Variants in ATL1 observed in about 807,000 individuals in gnomAD.
ATL1 encodes atlastin-1.
ATL1 carries 31 observed loss-of-function variants against 75.5 expected under a neutral mutation model. The observed-to-expected ratio is 0.41, with a 90% confidence interval of 0.31 to 0.55. ATL1 has a LOEUF of 0.55. Among genes scored for constraint, ATL1 ranks in the 20% least tolerant of loss-of-function variants. The pLI is 0.27. For missense variants in ATL1, 405 were observed against 662.6 expected (o/e 0.61, Z 4.27); for synonymous variants, 226 against 233.3 (o/e 0.97, Z 0.28).
chr14:50,613,936 A>G (rs1001758418), intron 7 of ATL1, among the ~76,000 whole-genome samples: 1 of 152,202 alleles, frequency 6.6e-6, no homozygotes, highest in Non-Finnish European at 1.5e-5. Context: ...ACACCCAACT[A>G]TTCAGATTCC....
intron 1 of ATL1, among the ~76,000 whole-genome samples, chr14:50,547,717 T>C (rs1422386689): frequency 6.6e-6 from 1 of 152,214 alleles, no homozygotes; most frequent in Non-Finnish European, 1.5e-5. Context: ...TTGTATCTGC[T>C]GCCGTACCCA....
At chr14:50,629,583 CA>C (rs1179543983) in intron 12 of ATL1, among the ~76,000 whole-genome samples, 878 of 112,880 alleles carry the variant, frequency 7.8e-3, no homozygotes, top group Non-Finnish European at 0.011. Flanking sequence ...CTCCATCTCC[CA>C]AAAAAAAAAA....
Position 50,622,642 on chromosome 14 carries a change from G to A in ATL1, c.1048-535G>A, listed in dbSNP as rs2039478684. Among the ~76,000 whole-genome samples, 3 of 151,614 alleles carry A rather than the reference G, an allele frequency of 2.0e-5. No homozygotes were observed. In the South Asian group the frequency reaches 6.2e-4, roughly 32 times the overall value. On this transcript the variant is annotated intron_variant, in intron 10 of 13. Transcript: ENST00000358385. ...GATCGCGCCACTGCACTCCAGCCTGGGCAACAGAGCAAGACTCAGTCTCAA... is the reference window on the plus strand; with the variant it reads ...GATCGCGCCACTGCACTCCAGCCTGAGCAACAGAGCAAGACTCAGTCTCAA...
At position 50,547,862 on chromosome 14, in the gene ATL1, C is replaced by T. The variant is rs142020523; in HGVS notation, c.-139-12265C>T. Among the ~76,000 whole-genome samples the T allele has an allele frequency of 2.3e-3, 352 of 152,246 alleles. 2 individuals are homozygous for T. The highest frequency in any genetic ancestry group is 8.0e-3 in the African/African-American group (334 of 41,552). On this transcript the variant is annotated intron_variant, in intron 1 of 13. Transcript: ENST00000441560. ...CCAGTTTGCCTTCACTTGGGAGGGC[C>T]AATAATGGACTTTCCAGGTACTACC...
intron 2 of ATL1, among the ~76,000 whole-genome samples, chr14:50,588,388 T>C (rs2039122731): frequency 6.6e-6 from 1 of 152,252 alleles, no homozygotes; most frequent in African/African-American, 2.4e-5. Flanking sequence ...TGTCACATAA[T>C]TTTTGTATTG....
At chr14:50,550,354 C>T (rs1340581053) in intron 1 of ATL1, among the ~76,000 whole-genome samples, 2 of 152,142 alleles carry the variant, frequency 1.3e-5, no homozygotes, top group African/African-American at 4.8e-5. Flanking sequence ...CATGAGGGTC[C>T]CTACTGAACA....
intron 1 of ATL1, among the ~76,000 whole-genome samples, chr14:50,541,878 G>A (rs1474696175): frequency 6.6e-6 from 1 of 151,466 alleles, no homozygotes; most frequent in Non-Finnish European, 1.5e-5. Flanking sequence ...GCGGTGGCGA[G>A]TGCCTGTAGT....
In ATL1 at chr14:50,628,387, A is replaced by G. The variant is rs766655944; in HGVS notation, c.1476A>G (p.Ala492=). Residue 492 remains alanine (A), a synonymous_variant, in exon 12 of 14, where the codon GCA becomes GCG. Coordinates refer to ENST00000358385, the MANE Select transcript of ATL1 (RefSeq NM_015915.5). ...CCCTTATCACCCTGTGCACTTGGGC[A>G]TATATCCGGTACTCTGGAGAATACC... is the stretch of plus-strand genomic sequence containing the variant. ...GLTLITLCTW[A]YIRYSGEYRE... 1 of 1,614,208 alleles carries G rather than the reference A, an allele frequency of 6.2e-7. No homozygotes were observed. Among genetic ancestry groups the G allele is most frequent in the Non-Finnish European group, 8.5e-7 (1 of 1,180,036 alleles).
At chr14:50,582,774 A>G (rs761041544) in intron 1 of ATL1, among the ~76,000 whole-genome samples, 30 of 152,178 alleles carry the variant, frequency 2.0e-4, no homozygotes, top group Non-Finnish European at 3.8e-4. Flanking sequence ...AAAACCACCC[A>G]AGGACAAAAT....
intron 5 of ATL1, 42 bp downstream of exon 5, chr14:50,593,938 T>C (rs1258980644): frequency 7.2e-7 from 1 of 1,396,330 alleles, no homozygotes; most frequent in South Asian, 1.2e-5. Flanking sequence ...TGGTAGTCTT[T>C]GAAACATGTA....
intron 1 of ATL1, among the ~76,000 whole-genome samples, chr14:50,574,933 G>A (rs77058252): frequency 0.056 from 2,487 of 44,428 alleles, 29 homozygotes; most frequent in Non-Finnish European, 0.065. Flanking sequence ...GTGTGTGTGT[G>A]TGTGTATATA....
At chr14:50,605,654 CT>C (rs1276416424) in intron 6 of ATL1, among the ~76,000 whole-genome samples, 3 of 151,872 alleles carry the variant, frequency 2.0e-5, no homozygotes, top group African/African-American at 7.3e-5. Flanking sequence ...TTCTTGCCCC[CT>C]AAAGGCCACT....
intron 1 of ATL1, among the ~76,000 whole-genome samples, chr14:50,548,773 G>A (rs1308411199): frequency 2.0e-5 from 3 of 152,236 alleles, no homozygotes; most frequent in Non-Finnish European, 2.9e-5. Flanking sequence ...GCCTCCCAAA[G>A]TACTGGGATT....
chr14:50,580,692 T>C (rs1428588796), intron 1 of ATL1, among the ~76,000 whole-genome samples: 1 of 152,124 alleles, frequency 6.6e-6, no homozygotes, highest in African/African-American at 2.4e-5. Context: ...TCCTTGTCAG[T>C]TATTGGTATC....
At chr14:50,607,471 A>C (rs1217165899) in intron 6 of ATL1, among the ~76,000 whole-genome samples, 1 of 151,992 alleles carries the variant, frequency 6.6e-6, no homozygotes, top group Non-Finnish European at 1.5e-5. Flanking sequence ...TTGGGTGTAG[A>C]GGTGAAAACA....
chr14:50,605,464 A>G (rs1299004613), intron 6 of ATL1, among the ~76,000 whole-genome samples: 1 of 151,846 alleles, frequency 6.6e-6, no homozygotes, highest in Non-Finnish European at 1.5e-5. Context: ...TCTATATTTT[A>G]TATCTGAGCC....
chr14:50,572,027 C>T (rs1408727884), intron 1 of ATL1: 11 of 542,320 alleles, frequency 2.0e-5, no homozygotes, highest in Non-Finnish European at 2.8e-5. Context: ...TCACAAGATT[C>T]ATAAAGGGAT....
intron 1 of ATL1, among the ~76,000 whole-genome samples, chr14:50,579,121 T>C (rs1386226178): frequency 2.6e-5 from 4 of 152,176 alleles, no homozygotes; most frequent in Non-Finnish European, 5.9e-5. Context: ...TTTGTCCACT[T>C]CTCCTCCACC....
chr14:50,545,716 TG>T (rs1595568593), intron 1 of ATL1, among the ~76,000 whole-genome samples: 1 of 152,112 alleles, frequency 6.6e-6, no homozygotes, highest in African/African-American at 2.4e-5. Context: ...CGGCCCTGGT[TG>T]GGGATTTGGT....
Sources: gnomAD v4.1 joint callset for allele counts (sites outside exome capture counted in the v4.1 genomes callset) on GRCh38, gnomAD v4.1.1 for gene constraint, MANE v1.5 for transcripts, NCBI Gene and HGNC (gene_info 2026-07-23, HGNC 2026-07-21) for gene names.